ARFGEF1: variants seen among roughly 807,000 people sequenced by gnomAD.
ARFGEF1 encodes ARF guanine nucleotide exchange factor 1.
In ARFGEF1, 42 loss-of-function variants were observed where a neutral mutation model predicts 231.0. The ratio of observed to expected loss-of-function variants is 0.18; its 90% CI spans 0.14 to 0.24. The LOEUF (loss-of-function observed/expected upper bound fraction) is 0.24. ARFGEF1 is among the 10% of genes least tolerant of loss of function. The pLI, the probability that ARFGEF1 is intolerant of heterozygous loss-of-function variation, is 1.00. For missense variants in ARFGEF1, 1,345 were observed against 2,192.0 expected (o/e 0.61, Z 7.72); for synonymous variants, 710 against 732.3 (o/e 0.97, Z 0.49).
intron 5 of ARFGEF1, among the ~76,000 whole-genome samples, chr8:67,178,023 G>A (rs1832104609): frequency 6.6e-6 from 1 of 152,194 alleles, no homozygotes; most frequent in African/African-American, 2.4e-5. Context: ...TCTGTAAAAT[G>A]AGGATAATAG....
chr8:67,334,559 A>G (rs1020068721), intron 1 of ARFGEF1, among the ~76,000 whole-genome samples: 1 of 152,244 alleles, frequency 6.6e-6, no homozygotes, highest in African/African-American at 2.4e-5. Context: ...GTGGCCCACC[A>G]ATTCCCTTCC....
chr8:67,332,977 A>C (rs1372874815), intron 1 of ARFGEF1, among the ~76,000 whole-genome samples: 1 of 152,190 alleles, frequency 6.6e-6, no homozygotes, highest in Admixed American at 6.5e-5. Flanking sequence ...ACTGGCATAC[A>C]GTAAACACTC....
At chr8:67,232,983 T>C (rs1424050528) in intron 22 of ARFGEF1, 38 bp from the exon 23 acceptor site, 1 of 1,499,714 alleles carries the variant, frequency 6.7e-7, no homozygotes. Flanking sequence ...AGTTTGAAAA[T>C]AATTCAGTAG....
At chr8:67,254,588 G>A (rs1361935829) in intron 17 of ARFGEF1, among the ~76,000 whole-genome samples, 1 of 152,108 alleles carries the variant, frequency 6.6e-6, no homozygotes, top group Non-Finnish European at 1.5e-5. Flanking sequence ...CTATTCAGGA[G>A]GCTGGGGAAG....
chr8:67,195,542 TG>T, downstream of ARFGEF1: 1 of 1,614,188 alleles, frequency 6.2e-7, no homozygotes, highest in Non-Finnish European at 8.5e-7. Flanking sequence ...AGCAGATTCC[TG>T]GAAAACCAGG....
In ARFGEF1 at chr8:67,271,723, T is replaced by C; in HGVS notation, c.1551A>G (p.Thr517=). The C allele has an allele frequency of 6.2e-7, 1 of 1,612,386 alleles. No individual in the cohort carries two copies. Among genetic ancestry groups the C allele is most frequent in the Non-Finnish European group, 8.5e-7 (1 of 1,179,136 alleles). ...GTACCTCAATTTGCATCTTCAGATG[T>C]GTCTTGAAATTTGACAACAAAGTAA... ...IFLTLLSNFK[T]HLKMQIEVFF... is the part of the protein sequence containing the mutation. The change falls in exon 10 of 39, where the codon ACA becomes ACG. Residue 517 remains threonine, a synonymous_variant. Transcript: ENST00000262215.
intron 7 of ARFGEF1, among the ~76,000 whole-genome samples, chr8:67,286,893 G>A (rs891342199): frequency 1.3e-5 from 2 of 152,086 alleles, no homozygotes; most frequent in African/African-American, 2.4e-5. Flanking sequence ...CCACACAGAT[G>A]GCCAACTTGA....
intron 5 of ARFGEF1, among the ~76,000 whole-genome samples, chr8:67,185,330 T>G (rs934391865): frequency 6.6e-6 from 1 of 152,318 alleles, no homozygotes. Context: ...CGACAAAGAT[T>G]ATCACTTTAA....
At chr8:67,327,113 A>G (rs1447350228) in intron 1 of ARFGEF1, among the ~76,000 whole-genome samples, 2 of 152,104 alleles carry the variant, frequency 1.3e-5, no homozygotes, top group African/African-American at 4.8e-5. Context: ...CTATTATTCA[A>G]TTATCTATAT....
chr8:67,298,627 A>C (rs1806344025), intron 4 of ARFGEF1, among the ~76,000 whole-genome samples: 2 of 152,206 alleles, frequency 1.3e-5, no homozygotes, highest in African/African-American at 4.8e-5. Context: ...GAAACAGAAA[A>C]ACTTTGGAAG....
At chr8:67,289,753 C>G (rs1394648859) in intron 6 of ARFGEF1, among the ~76,000 whole-genome samples, 1 of 151,740 alleles carries the variant, frequency 6.6e-6, no homozygotes, top group Non-Finnish European at 1.5e-5. Context: ...ATAAAATATC[C>G]AAATAAAAAT....
chr8:67,195,233 T>G, downstream of ARFGEF1: 1 of 695,454 alleles, frequency 1.4e-6, no homozygotes, highest in African/African-American at 1.8e-5. Context: ...GTGGGGTGAG[T>G]CTAACCAAAA....
intron 1 of ARFGEF1, among the ~76,000 whole-genome samples, chr8:67,319,773 A>G (rs1296789622): frequency 6.6e-6 from 1 of 152,188 alleles, no homozygotes; most frequent in African/African-American, 2.4e-5. Flanking sequence ...TACAGAAAAT[A>G]TTTGCAAATT....
At chr8:67,255,993 T>C (rs1458147209) in intron 17 of ARFGEF1, among the ~76,000 whole-genome samples, 1 of 152,264 alleles carries the variant, frequency 6.6e-6, no homozygotes, top group Non-Finnish European at 1.5e-5. Context: ...ATTGCACAGG[T>C]GCATATAATA....
At chr8:67,328,297 A>G (rs968559696) in intron 1 of ARFGEF1, among the ~76,000 whole-genome samples, 2 of 152,176 alleles carry the variant, frequency 1.3e-5, no homozygotes, top group Non-Finnish European at 2.9e-5. Flanking sequence ...TTCTTCTGGA[A>G]GCTTATTTTC....
rs144776877 is a variant in ARFGEF1 at position 67,277,046 on chromosome 8, T to C, written c.1203+236A>G. ...TTGGTAGATGGGTGTGGAGAAGATG[T>C]AAACATAGATGAGACCTACCTTAAA... On this transcript the variant is annotated intron_variant, in intron 8 of 38. Transcript: ENST00000262215. 3.2e-3 allele frequency among the ~76,000 whole-genome samples: 482 copies of C among 152,178 alleles called. 5 individuals carry two copies. The highest frequency in any genetic ancestry group is 0.011 in the African/African-American group (460 of 41,498).
At chr8:67,180,806 A>G (rs2129571009) in intron 5 of ARFGEF1, among the ~76,000 whole-genome samples, 1 of 152,204 alleles carries the variant, frequency 6.6e-6, no homozygotes, top group East Asian at 1.9e-4. Context: ...AAAAAGTCAT[A>G]AGACTTTTAT....
At chr8:67,306,328 T>C (rs1806743975) in intron 1 of ARFGEF1, among the ~76,000 whole-genome samples, 1 of 152,238 alleles carries the variant, frequency 6.6e-6, no homozygotes, top group Admixed American at 6.5e-5. Context: ...GATTTCATCA[T>C]GCTACTAAGA....
chr8:67,224,824 G>A, intron 29 of ARFGEF1, 79 bp downstream of exon 29: 6 of 1,006,732 alleles, frequency 6.0e-6, no homozygotes, highest in Admixed American at 3.0e-5. Flanking sequence ...TTAACTGTGA[G>A]ATTGTGTTTA....
Sources: allele counts gnomAD v4.1 joint callset (sites outside exome capture counted in the v4.1 genomes callset), GRCh38; gene constraint gnomAD v4.1.1; transcripts MANE v1.5; gene names NCBI Gene and HGNC (gene_info 2026-07-23, HGNC 2026-07-21).